UGT1A5: variants seen among roughly 807,000 people sequenced by gnomAD.
UGT1A5 encodes the protein UDP-glucuronosyltransferase 1A5.
A neutral mutation model predicts 40.3 loss-of-function variants in UGT1A5; 29 were observed. The observed-to-expected ratio is 0.72, with a 90% CI of 0.54 to 0.98. UGT1A5 has a LOEUF of 0.98. UGT1A5 is among the 50% of genes least tolerant of loss of function. The pLI is 0.00. For synonymous variants in UGT1A5, 257 were observed against 262.5 expected (o/e 0.98, Z 0.20); for missense variants, 678 against 677.9 (o/e 1.00, Z 0.00).
chr2:233,761,996 A>C (rs1212945255), intron 1 of UGT1A5, among the ~76,000 whole-genome samples: 1 of 151,970 alleles, frequency 6.6e-6, no homozygotes, highest in African/African-American at 2.4e-5. Context: ...CCTTATTTCC[A>C]CTATACCTCC....
At chr2:233,746,512 G>C (rs992094720) in intron 1 of UGT1A5, among the ~76,000 whole-genome samples, 1 of 151,736 alleles carries the variant, frequency 6.6e-6, no homozygotes, top group Non-Finnish European at 1.5e-5. Context: ...AGCCCCCAAA[G>C]CAAGACCATC....
rs753289474 is a variant in UGT1A5, at chr2:233,769,632, G to A, written c.1307+1193G>A. The A allele has an allele frequency of 1.9e-6, 3 of 1,611,424 alleles. No individual in the cohort carries two copies. The highest frequency in any genetic ancestry group is 2.5e-6 in the Non-Finnish European group (3 of 1,179,338). On this transcript the variant is annotated intron_variant, in intron 4 of 4. Coordinates refer to ENST00000373414, the MANE Select transcript of UGT1A5 (RefSeq NM_019078.2). The surrounding 1 kb of genome is among the most constrained non-coding windows in gnomAD (Gnocchi z 4.4). ...CACCAGCTTGAGCAAGGGACAACAGGGGAGGACTGATGACTGACTTCCCAC... is the reference window on the plus strand; with the variant it reads ...CACCAGCTTGAGCAAGGGACAACAGAGGAGGACTGATGACTGACTTCCCAC...
Position 233,760,863 on chromosome 2 carries a change from C to T in UGT1A5, c.868-6171C>T, listed in dbSNP as rs764242339. On this transcript the variant is annotated intron_variant, in intron 1 of 4. Coordinates refer to ENST00000373414, the MANE Select transcript of UGT1A5 (RefSeq NM_019078.2). ...CCCAGTGCCCCAACCCATTCTCCTA[C>T]GTGCCCAGGCCTCTCTCCTCTCATT... The T allele has an allele frequency of 8.1e-6, 13 of 1,614,016 alleles. No homozygotes were observed. Among genetic ancestry groups the T allele is most frequent in the South Asian group, 4.4e-5 (4 of 91,088 alleles).
chr2:233,747,159 A>G lies in UGT1A5; in HGVS notation c.868-19875A>G, dbSNP rs145059616. 5.9e-5 allele frequency: 94 copies of G among 1,584,988 alleles called. 3 individuals carry two copies. The African/African-American group carries it at 1.2e-3, about 20-fold the overall frequency. Reference sequence around the variant, plus strand: ...CAAGGTAATTAAGATGAAGAAAACAAATGTAGGAGGCACAGCGTGGGGTGG... The same window carrying G: ...CAAGGTAATTAAGATGAAGAAAACAGATGTAGGAGGCACAGCGTGGGGTGG... On this transcript the variant is annotated intron_variant, in intron 1 of 4. Coordinates refer to ENST00000373414, the MANE Select transcript of UGT1A5 (RefSeq NM_019078.2).
At chr2:233,754,805 AG>A (rs755746097) in intron 1 of UGT1A5, 241 of 1,294,792 alleles carry the variant, frequency 1.9e-4, no homozygotes, top group Non-Finnish European at 2.3e-4. Context: ...TATCAAAAGA[AG>A]AAAAACCACC....
Position 233,769,013 on chromosome 2 carries a change from C to T in UGT1A5, c.1307+574C>T, listed in dbSNP as rs4148328. 0.32 allele frequency among the ~76,000 whole-genome samples: 49,227 copies of T among 151,996 alleles called. 8,798 individuals are homozygous for T. Among genetic ancestry groups the T allele is most frequent in the East Asian group, 0.6 (3,101 of 5,178 alleles). On this transcript the variant is annotated intron_variant, in intron 4 of 4. Transcript: ENST00000373414. The surrounding 1 kb of genome is among the most constrained non-coding windows in gnomAD (Gnocchi z 4.4). ...CCATTAGATTTAAAACTCCAATTTA[C>T]ATAAAAAGTTGCCATAATAGACATC...
intron 1 of UGT1A5, among the ~76,000 whole-genome samples, chr2:233,761,487 C>T (rs1012485766): frequency 1.3e-5 from 2 of 152,232 alleles, no homozygotes; most frequent in East Asian, 1.9e-4. Flanking sequence ...GAAGCCTGCA[C>T]CTTGCCCTGG....
chr2:233,748,753 G>A (rs1217763001), intron 1 of UGT1A5, among the ~76,000 whole-genome samples: 1 of 151,562 alleles, frequency 6.6e-6, no homozygotes, highest in African/African-American at 2.4e-5. Flanking sequence ...GGAAGGCATA[G>A]TTTTGGTTGC....
At chr2:233,721,815 AC>A in intron 1 of UGT1A5, 1 of 515,300 alleles carries the variant, frequency 1.9e-6, no homozygotes. Context: ...AAAATCCAGC[AC>A]CCTATTTGGG....
chr2:233,747,249 G>A (rs1310551227), intron 1 of UGT1A5: 19 of 1,600,704 alleles, frequency 1.2e-5, no homozygotes, highest in Non-Finnish European at 1.6e-5. Flanking sequence ...TGCTGTGGCT[G>A]GCCACAGGAG....
rs200903749 is a variant in UGT1A5, at chr2:233,767,133, A to G, written c.967A>G (p.Ile323Val). ...SEIPEKKAMAIADALGKIPQT... is the reference protein window; with the variant it reads ...SEIPEKKAMAVADALGKIPQT... ...AATTCCAGAGAAGAAAGCTATGGCA[A>G]TTGCTGATGCTTTGGGCAAAATCCC... The change falls in exon 2 of 5, where the codon ATT (isoleucine) becomes GTT (valine). Residue 323 changes from isoleucine (I) to valine (V), a missense_variant. Physicochemically the swap from Ile to Val is conservative, Grantham distance 29 (BLOSUM62 3). Coordinates refer to ENST00000373414, the MANE Select transcript of UGT1A5 (RefSeq NM_019078.2). 1,419 of 1,614,112 alleles carry G rather than the reference A, an allele frequency of 8.8e-4. 26 individuals are homozygous for G. In the South Asian group the frequency reaches 0.015, roughly 17 times the overall value.
At chr2:233,772,199 A>T (rs1700481420) in intron 4 of UGT1A5, 63 bp from the exon 5 acceptor site, 2 of 1,605,338 alleles carry the variant, frequency 1.2e-6, no homozygotes, top group African/African-American at 1.3e-5. Flanking sequence ...AGCCATGAGC[A>T]TAAAGAGAGG....
At chr2:233,727,741 T>C (rs1184923085) in intron 1 of UGT1A5, among the ~76,000 whole-genome samples, 1 of 152,232 alleles carries the variant, frequency 6.6e-6, no homozygotes, top group Non-Finnish European at 1.5e-5. Flanking sequence ...TGTGCCATCC[T>C]GCGTGTGCTG....
intron 1 of UGT1A5, chr2:233,719,579 C>T (rs112157197): frequency 5.0e-5 from 80 of 1,613,916 alleles, no homozygotes; most frequent in South Asian, 2.2e-4. Flanking sequence ...GCTATGCATC[C>T]GTGTGGCTGT....
At position 233,772,434 on chromosome 2, in the gene UGT1A5, G is replaced by A; in HGVS notation, c.1480G>A (p.Gly494Ser). The change falls in exon 5 of 5, where the codon GGT (glycine) becomes AGT (serine). Residue 494 changes from glycine to serine, a missense_variant. Physicochemically the swap from Gly to Ser is moderately conservative, Grantham distance 56 (BLOSUM62 0). Coordinates refer to ENST00000373414, the MANE Select transcript of UGT1A5 (RefSeq NM_019078.2). ...CCAGTACCATTCCTTGGACGTGATT[G>A]GTTTCCTCTTGGCCGTCGTGCTGAC... ...WYQYHSLDVI[G>S]FLLAVVLTVA... The A allele has an allele frequency of 1.2e-6, 2 of 1,614,176 alleles. No individual in the cohort carries two copies. Among genetic ancestry groups the A allele is most frequent in the Non-Finnish European group, 1.7e-6 (2 of 1,180,036 alleles).
rs2076288608 is a variant in UGT1A5 at position 233,713,183 on chromosome 2, G to A, written c.192G>A (p.Glu64=). The A allele has an allele frequency of 7.4e-6, 12 of 1,614,100 alleles. No individual in the cohort carries two copies. Among genetic ancestry groups the A allele is most frequent in the Non-Finnish European group, 1.0e-5 (12 of 1,180,044 alleles). The change falls in exon 1 of 5, where the codon GAG becomes GAA. Residue 64 remains glutamate, a synonymous_variant. Transcript: ENST00000373414. ...RGHQVVVLTL[E]VNMYIKEENF... ...ACCAGGTGGTGGTCCTCACCCTGGA[G>A]GTGAATATGTACATCAAAGAAGAGA... is the stretch of plus-strand genomic sequence containing the variant.
At chr2:233,729,152 T>C (rs749302324) in intron 1 of UGT1A5, 3 of 1,613,556 alleles carry the variant, frequency 1.9e-6, no homozygotes, top group Non-Finnish European at 2.5e-6. Flanking sequence ...CAGGTTCCCC[T>C]GCCGTGGCTG....
At chr2:233,760,506 T>A in intron 1 of UGT1A5, 1 of 1,614,180 alleles carries the variant, frequency 6.2e-7, no homozygotes, top group Non-Finnish European at 8.5e-7. Flanking sequence ...ACGGAGCATT[T>A]TACACCTTGA....
intron 1 of UGT1A5, chr2:233,754,258 T>A: frequency 5.9e-6 from 1 of 170,430 alleles, no homozygotes; most frequent in South Asian, 1.4e-4. Flanking sequence ...CGGAAAAAGG[T>A]AAGGCTCAAA....
Sources: allele counts gnomAD v4.1 joint callset (sites outside exome capture counted in the v4.1 genomes callset), GRCh38; gene constraint gnomAD v4.1.1; non-coding constraint Gnocchi (gnomAD v3.1); transcripts MANE v1.5; gene names NCBI Gene and HGNC (gene_info 2026-07-23, HGNC 2026-07-21).